Variants in MYBPC2 observed in about 807,000 individuals in gnomAD.
MYBPC2 encodes myosin binding protein C2.
In MYBPC2, 122 loss-of-function variants were observed where a neutral mutation model predicts 137.0. The observed-to-expected ratio is 0.89, with a 90% confidence interval of 0.77 to 1.03. The LOEUF (loss-of-function observed/expected upper bound fraction) is 1.03, where lower values mean the gene tolerates loss of function less well. Among genes scored for constraint, MYBPC2 ranks in the 50% least tolerant of loss-of-function variants. MYBPC2 has a pLI of 0.00. For synonymous variants in MYBPC2, 626 were observed against 612.3 expected (o/e 1.02, Z -0.33); for missense variants, 1,500 against 1,534.4 (o/e 0.98, Z 0.37).
At chr19:50,456,170 TATCCATCCATCCATCCATCCATTTATCC>T (rs2039909882) in intron 20 of MYBPC2, among the ~76,000 whole-genome samples, 1 of 141,166 alleles carries the variant, frequency 7.1e-6, no homozygotes, top group Non-Finnish European at 1.5e-5. Flanking sequence ...TATTTCCATC[TATCCATCCATCCATCCATCCATTTATCC>T]ATCCATCCAC....
intron 18 of MYBPC2, 56 bp from the exon 19 acceptor site, chr19:50,455,052 G>A: frequency 6.6e-7 from 1 of 1,505,184 alleles, no homozygotes; most frequent in Non-Finnish European, 9.0e-7. Flanking sequence ...TCCCCCAGCT[G>A]ACTCATGCCC....
At position 50,445,998 on chromosome 19, in the gene MYBPC2, C is replaced by T. The variant is rs1054967618; in HGVS notation, c.1252C>T (p.Arg418Cys). The change falls in exon 12 of 28, where the codon CGC (arginine) becomes TGC (cysteine). Residue 418 changes from arginine to cysteine, a missense_variant. Transcript: ENST00000357701. ...AGACGTGGTCCAGGAGGACAGGGGT[C>T]GCTATCAGGTCATAACCAATGGCGG... ...FSDVVQEDRG[R>C]YQVITNGGQC... is the part of the protein sequence containing the mutation. 2.5e-6 allele frequency: 4 copies of T among 1,613,364 alleles called. No homozygotes were observed. The highest frequency in any genetic ancestry group is 2.2e-5 in the East Asian group (1 of 44,858).
In MYBPC2 at chr19:50,436,679, C is replaced by T. The variant is rs775524133; in HGVS notation, c.408C>T (p.Leu136=). The change falls in exon 5 of 28, where the codon CTC becomes CTT. Residue 136 remains leucine, a synonymous_variant. Coordinates refer to ENST00000357701, the MANE Select transcript of MYBPC2 (RefSeq NM_004533.4). ...VVLGDRGYYR[L]EVKAKDTCDS... ...TGGGGGACCGTGGGTATTACCGCCTCGAGGTCAAAGCCAAGGACACCTGTG... is the reference window on the plus strand; with the variant it reads ...TGGGGGACCGTGGGTATTACCGCCTTGAGGTCAAAGCCAAGGACACCTGTG... The T allele has an allele frequency of 3.1e-6, 5 of 1,613,796 alleles. No individual in the cohort carries two copies. The East Asian group carries it at 6.7e-5, about 22-fold the overall frequency.
intron 26 of MYBPC2, 133 bp downstream of exon 26, chr19:50,462,169 A>G: frequency 7.6e-7 from 1 of 1,310,394 alleles, no homozygotes; most frequent in Non-Finnish European, 1.0e-6. Flanking sequence ...TCACTTAAAA[A>G]ATTTTTTTAA....
chr19:50,462,133 C>A, intron 26 of MYBPC2, 97 bp downstream of exon 26: 1 of 1,431,018 alleles, frequency 7.0e-7, no homozygotes, highest in Non-Finnish European at 9.2e-7. Context: ...TCTTCTTCCC[C>A]GAGTTCTCTG....
Position 50,435,757 on chromosome 19 carries a change from A to G in MYBPC2, c.110-19A>G, listed in dbSNP as rs1348798558. 12 of 1,592,138 alleles carry G rather than the reference A, an allele frequency of 7.5e-6. No individual in the cohort carries two copies. Among genetic ancestry groups the G allele is most frequent in the Non-Finnish European group, 8.6e-6 (10 of 1,164,908 alleles). ...AGCCTATCTCAGACCTCCTCATCCT[A>G]ATCCTGTCCCCTGAACAGAAGCCCC... is the stretch of plus-strand genomic sequence containing the variant. On this transcript the variant is annotated intron_variant, in intron 2 of 27. Coordinates refer to ENST00000357701, the MANE Select transcript of MYBPC2 (RefSeq NM_004533.4). The surrounding 1 kb of genome is among the most constrained non-coding windows in gnomAD (Gnocchi z 4.8).
Position 50,460,125 on chromosome 19 carries a change from T to C in MYBPC2, c.2877T>C (p.Asp959=), listed in dbSNP as rs2039958776. 6.3e-7 allele frequency: 1 copy of C among 1,577,590 alleles called. No individual in the cohort carries two copies. The highest frequency in any genetic ancestry group is 8.6e-7 in the Non-Finnish European group (1 of 1,163,750). Residue 959 remains aspartate (D), a synonymous_variant, in exon 24 of 28, where the codon GAT becomes GAC. Coordinates refer to ENST00000357701, the MANE Select transcript of MYBPC2 (RefSeq NM_004533.4). ...ALVEWQAPKD[D]GNSEIMGYFV... ...TGGAGTGGCAGGCCCCCAAAGATGA[T>C]GGGAACAGTGAGATCATGGGGTATT...
intron 12 of MYBPC2, 64 bp from the exon 13 acceptor site, chr19:50,448,161 G>A (rs2039822366): frequency 6.6e-7 from 1 of 1,524,894 alleles, no homozygotes; most frequent in Admixed American, 2.1e-5. Context: ...CACAGTGGGT[G>A]CTCACAAGTG....
Position 50,436,170 on chromosome 19 carries a change from C to G in MYBPC2, c.345+10C>G, listed in dbSNP as rs1467507869. The G allele has an allele frequency of 1.3e-6, 2 of 1,578,362 alleles. No individual in the cohort carries two copies. Among genetic ancestry groups the G allele is most frequent in the African/African-American group, 2.7e-5 (2 of 74,128 alleles). ...CAACTCCGCCAGCAATGTGAGGACC[C>G]CGTGGGCCAGAGGGCTGGTGGAGGG... On this transcript the variant is annotated intron_variant, in intron 4 of 27. Coordinates refer to ENST00000357701, the MANE Select transcript of MYBPC2 (RefSeq NM_004533.4).
At chr19:50,450,771 C>A in intron 13 of MYBPC2, 58 bp from the exon 14 acceptor site, 2 of 1,275,122 alleles carry the variant, frequency 1.6e-6, no homozygotes, top group Non-Finnish European at 1.1e-6. Context: ...GCGGTGCAGC[C>A]CCATAGTGGT....
At chr19:50,444,697 G>T (rs1182268770) in intron 11 of MYBPC2, among the ~76,000 whole-genome samples, 1 of 151,654 alleles carries the variant, frequency 6.6e-6, no homozygotes, top group Non-Finnish European at 1.5e-5. Context: ...TGGCTAACAC[G>T]GTGAAACCCC....
chr19:50,455,281 C>G lies in MYBPC2; in HGVS notation c.2188C>G (p.Pro730Ala). 1.9e-6 allele frequency: 3 copies of G among 1,613,440 alleles called. No homozygotes were observed. The highest frequency in any genetic ancestry group is 2.5e-6 in the Non-Finnish European group (3 of 1,179,528). ...GVSQPSMNTK[P>A]FMPIAPTSEP... ...CTCCCAGCCCAGCATGAACACCAAG[C>G]CTTTTATGCCTATTGGTAATGTCCT... Residue 730 changes from proline to alanine, a missense_variant, in exon 19 of 28, where the codon CCT (proline) becomes GCT (alanine). Coordinates refer to ENST00000357701, the MANE Select transcript of MYBPC2 (RefSeq NM_004533.4).
At position 50,437,483 on chromosome 19, in the gene MYBPC2, G is replaced by A. The variant is rs779312568; in HGVS notation, c.474G>A (p.Gln158=). The A allele has an allele frequency of 7.4e-6, 12 of 1,610,890 alleles. No homozygotes were observed. Among genetic ancestry groups the A allele is most frequent in the Admixed American group, 3.4e-5 (2 of 59,548 alleles). Residue 158 remains glutamine (Q), a synonymous_variant, in exon 6 of 28, where the codon CAG becomes CAA. Transcript: ENST00000357701. ...GFNIDVEAPR[Q]DASGQSLESF... ...ATCACCTCTCCCCAGCACCCCGTCA[G>A]GATGCCTCTGGGCAGAGTCTAGAAA...
intron 5 of MYBPC2, 122 bp from the exon 6 acceptor site, chr19:50,437,351 T>C (rs1010514503): frequency 4.5e-6 from 5 of 1,105,382 alleles, no homozygotes; most frequent in Non-Finnish European, 6.6e-6. Flanking sequence ...AAGGTTGTGC[T>C]GGTCCAAGAG....
rs35209148 is a variant in MYBPC2, at chr19:50,437,681, G to A, written c.535G>A (p.Ala179Thr). 6 of 1,604,954 alleles carry A rather than the reference G, an allele frequency of 3.7e-6. No individual in the cohort carries two copies. Among genetic ancestry groups the A allele is most frequent in the Non-Finnish European group, 5.1e-6 (6 of 1,175,614 alleles). ...KRTSEKKSDT[A>T]GELDFSGLLK... Reference sequence around the variant, plus strand: ...CAGGAGTGAAAAGAAGTCGGATACTGCAGGTGAGCTGGATTTCAGTGGCCT... The same window carrying A: ...CAGGAGTGAAAAGAAGTCGGATACTACAGGTGAGCTGGATTTCAGTGGCCT... Residue 179 changes from alanine (A) to threonine (T), a missense_variant, in exon 7 of 28, where the codon GCA becomes ACA. Coordinates refer to ENST00000357701, the MANE Select transcript of MYBPC2 (RefSeq NM_004533.4).
intron 16 of MYBPC2, 33 bp from the exon 17 acceptor site, chr19:50,453,987 T>C (rs756696879): frequency 2.7e-5 from 42 of 1,559,388 alleles, no homozygotes; most frequent in South Asian, 3.5e-5. Flanking sequence ...GGGGACACGA[T>C]GGGGTGCAAG....
intron 13 of MYBPC2, 74 bp from the exon 14 acceptor site, chr19:50,450,755 A>T (rs903084864): frequency 1.6e-5 from 17 of 1,073,240 alleles, no homozygotes; most frequent in Middle Eastern, 4.0e-4. Flanking sequence ...AGGGAAGCTG[A>T]TTGAGGCGGT....
chr19:50,451,261 A>C lies in MYBPC2; in HGVS notation c.1580-19A>C. The stretch of plus-strand genomic sequence containing the variant: ...CTGCTGAGTTTAGACCTAACTGTCC[A>C]GTCTTCTTTGTCTTGCAGAAATCAA... On this transcript the variant is annotated intron_variant, in intron 14 of 27. Coordinates refer to ENST00000357701, the MANE Select transcript of MYBPC2 (RefSeq NM_004533.4). The C allele has an allele frequency of 1.2e-6, 2 of 1,613,654 alleles. No individual in the cohort carries two copies. Among genetic ancestry groups the C allele is most frequent in the Non-Finnish European group, 1.7e-6 (2 of 1,179,742 alleles).
At chr19:50,459,850 G>A (rs1449388356) in intron 23 of MYBPC2, among the ~76,000 whole-genome samples, 190 bp from the exon 24 acceptor site, 1 of 150,660 alleles carries the variant, frequency 6.6e-6, no homozygotes, top group African/African-American at 2.5e-5. Context: ...GAGAGGAGGT[G>A]AGGAGGGATG....
Sources: gnomAD v4.1 joint callset for allele counts (sites outside exome capture counted in the v4.1 genomes callset) on GRCh38, gnomAD v4.1.1 for gene constraint, Gnocchi (gnomAD v3.1) non-coding constraint, MANE v1.5 for transcripts, NCBI Gene and HGNC (gene_info 2026-07-23, HGNC 2026-07-21) for gene names.